Variants in SUMF1 observed in about 807,000 individuals in gnomAD.
The protein encoded by SUMF1 is formylglycine-generating enzyme.
A neutral mutation model predicts 47.6 loss-of-function variants in SUMF1; 48 were observed. The observed-to-expected ratio is 1.01, with a 90% CI of 0.80 to 1.28. SUMF1 has a LOEUF of 1.28. Ranked by LOEUF, SUMF1 falls within the 50% of genes most tolerant of loss-of-function variation. The pLI, the probability that SUMF1 is intolerant of heterozygous loss-of-function variation, is 0.00. For missense variants in SUMF1, 571 were observed against 485.4 expected (o/e 1.18, Z -1.66); for synonymous variants, 230 against 192.1 (o/e 1.20, Z -1.63).
intron 8 of SUMF1, among the ~76,000 whole-genome samples, chr3:4,301,553 A>C (rs576299956): frequency 6.6e-6 from 1 of 152,200 alleles, no homozygotes; most frequent in Non-Finnish European, 1.5e-5. Flanking sequence ...GAAATGAGAG[A>C]GCCTAGGACT....
chr3:4,273,123 C>CATATATATAT (rs1256538499), intron 8 of SUMF1, among the ~76,000 whole-genome samples: 3 of 149,112 alleles, frequency 2.0e-5, no homozygotes, highest in Admixed American at 1.3e-4. Flanking sequence ...TATATACACA[C>CATATATATAT]ACATATATAT....
chr3:4,165,386 G>T (rs770121825), intron 8 of SUMF1, among the ~76,000 whole-genome samples: 4 of 151,980 alleles, frequency 2.6e-5, no homozygotes, highest in South Asian at 2.1e-4. Context: ...AATAGCCCAG[G>T]GATTTTTGTG....
intron 8 of SUMF1, among the ~76,000 whole-genome samples, chr3:4,215,488 G>A (rs1184488230): frequency 6.6e-6 from 1 of 152,046 alleles, no homozygotes; most frequent in Non-Finnish European, 1.5e-5. Context: ...CCAGCACAAG[G>A]CAAGGATGCC....
intron 8 of SUMF1, among the ~76,000 whole-genome samples, chr3:4,232,581 T>G (rs1696324602): frequency 6.6e-6 from 1 of 151,944 alleles, no homozygotes; most frequent in Non-Finnish European, 1.5e-5. Context: ...AAGGAAGAAT[T>G]TATGCTTGCT....
chr3:4,227,272 C>A (rs927779362), intron 8 of SUMF1, among the ~76,000 whole-genome samples: 2 of 152,152 alleles, frequency 1.3e-5, no homozygotes, highest in South Asian at 4.1e-4. Flanking sequence ...CTACTATGTG[C>A]CTGCAACAGG....
chr3:4,109,316 C>T (rs980361111), intron 8 of SUMF1, among the ~76,000 whole-genome samples: 2 of 152,128 alleles, frequency 1.3e-5, no homozygotes, highest in Non-Finnish European at 2.9e-5. Flanking sequence ...ATGGGCTTCC[C>T]TTTGTGGGTA....
chr3:4,070,175 C>A (rs1187681074), intron 8 of SUMF1, among the ~76,000 whole-genome samples: 1 of 152,162 alleles, frequency 6.6e-6, no homozygotes, highest in East Asian at 1.9e-4. Context: ...GTTGTCCCAC[C>A]TTTCTGAACC....
chr3:4,190,412 A>G (rs1448725292), intron 8 of SUMF1, among the ~76,000 whole-genome samples: 1 of 151,332 alleles, frequency 6.6e-6, no homozygotes, highest in Non-Finnish European at 1.5e-5. Flanking sequence ...AAGAATTATT[A>G]TAACATCCTT....
intron 4 of SUMF1, among the ~76,000 whole-genome samples, chr3:4,419,688 T>G (rs2125040570): frequency 6.6e-6 from 1 of 152,224 alleles, no homozygotes; most frequent in South Asian, 2.1e-4. Flanking sequence ...GAGGACACAA[T>G]TACTTATCCA....
intron 8 of SUMF1, among the ~76,000 whole-genome samples, chr3:4,084,663 T>G (rs984115869): frequency 2.6e-5 from 4 of 152,144 alleles, no homozygotes; most frequent in African/African-American, 9.7e-5. Flanking sequence ...CTTTGATCCA[T>G]AGAACTGCTC....
chr3:4,184,932 G>T (rs754531819), intron 8 of SUMF1, among the ~76,000 whole-genome samples: 1 of 152,178 alleles, frequency 6.6e-6, no homozygotes, highest in Non-Finnish European at 1.5e-5. Context: ...TTACAGGCGT[G>T]AGCCACCGCA....
downstream of SUMF1, among the ~76,000 whole-genome samples, chr3:4,357,211 AG>A (rs1699638832): frequency 6.6e-6 from 1 of 152,238 alleles, no homozygotes; most frequent in South Asian, 2.1e-4. Flanking sequence ...TATTTAAAAA[AG>A]AAAAAATAAG....
At chr3:4,288,401 ATGTAAAAGCATTC>A (rs981593622) in intron 8 of SUMF1, among the ~76,000 whole-genome samples, 2 of 152,114 alleles carry the variant, frequency 1.3e-5, no homozygotes, top group African/African-American at 4.8e-5. Context: ...TTTTGGATAG[ATGTAAAAGCATTC>A]TGAAAGAATT....
At chr3:4,076,441 C>G (rs1052506478) in intron 8 of SUMF1, among the ~76,000 whole-genome samples, 16 of 152,080 alleles carry the variant, frequency 1.1e-4, no homozygotes, top group Middle Eastern at 3.2e-3. Context: ...TGGGCAAAGA[C>G]TTCATGAATA....
At chr3:4,136,743 A>G (rs1693942169) in intron 8 of SUMF1, among the ~76,000 whole-genome samples, 4 of 150,500 alleles carry the variant, frequency 2.7e-5, no homozygotes. Flanking sequence ...GCTAATATCC[A>G]GAATCTACAA....
At chr3:4,452,758 T>C in intron 2 of SUMF1, 118 bp downstream of exon 2, 1 of 1,219,984 alleles carries the variant, frequency 8.2e-7, no homozygotes, top group South Asian at 1.2e-5. Flanking sequence ...ATAAAATGCT[T>C]CACACAGTTC....
chr3:4,175,204 C>T (rs1367975808), intron 8 of SUMF1, among the ~76,000 whole-genome samples: 1 of 152,190 alleles, frequency 6.6e-6, no homozygotes, highest in Non-Finnish European at 1.5e-5. Context: ...GGCGTTTGAG[C>T]TCTGAGAATG....
intron 7 of SUMF1, among the ~76,000 whole-genome samples, chr3:4,407,519 T>C (rs1701412714): frequency 6.6e-6 from 1 of 152,188 alleles, no homozygotes; most frequent in African/African-American, 2.4e-5. Context: ...ACATGGAGTC[T>C]GGACAGTCAC....
intron 8 of SUMF1, among the ~76,000 whole-genome samples, chr3:4,321,788 A>G (rs1698841343): frequency 6.6e-6 from 1 of 152,168 alleles, no homozygotes; most frequent in Non-Finnish European, 1.5e-5. Context: ...AGTGTAAGCT[A>G]TACATAGTGA....
Sources: gnomAD v4.1 joint callset for allele counts (sites outside exome capture counted in the v4.1 genomes callset) on GRCh38, gnomAD v4.1.1 for gene constraint, MANE v1.5 for transcripts, NCBI Gene and HGNC (gene_info 2026-07-23, HGNC 2026-07-21) for gene names.